OTOGL: variants seen among roughly 807,000 people sequenced by gnomAD.
OTOGL encodes otogelin-like protein.
In OTOGL, 285 loss-of-function variants were observed where a neutral mutation model predicts 318.5. That is an observed-to-expected ratio of 0.89 (90% CI 0.81 to 0.99). The LOEUF (loss-of-function observed/expected upper bound fraction) is 0.99, where lower values mean the gene tolerates loss of function less well. Ranked by LOEUF, OTOGL falls within the 50% of genes least tolerant of loss-of-function variation. The pLI is 0.00. For synonymous variants in OTOGL, 987 were observed against 936.5 expected (o/e 1.05, Z -0.99); for missense variants, 2,899 against 2,845.6 (o/e 1.02, Z -0.43).
chr12:80,214,717 T>C (rs1412339756), intron 4 of OTOGL, among the ~76,000 whole-genome samples: 3 of 152,112 alleles, frequency 2.0e-5, no homozygotes, highest in Non-Finnish European at 2.9e-5. Flanking sequence ...TAAACAAGAA[T>C]AGCAGTGCCT....
chr12:80,244,628 CAT>C (rs1880701882), intron 11 of OTOGL, among the ~76,000 whole-genome samples: 1 of 149,768 alleles, frequency 6.7e-6, no homozygotes, highest in Admixed American at 6.6e-5. Context: ...CTGCAATAAA[CAT>C]ATGTGTGCAT....
chr12:80,313,368 T>A, intron 30 of OTOGL, 108 bp from the exon 31 acceptor site: 1 of 1,060,264 alleles, frequency 9.4e-7, no homozygotes, highest in Non-Finnish European at 1.4e-6. Context: ...GGTGGCAGTG[T>A]TAAGCTGATA....
intron 1 of OTOGL, among the ~76,000 whole-genome samples, chr12:80,116,432 C>A (rs1159447097): frequency 6.6e-6 from 1 of 152,026 alleles, no homozygotes; most frequent in Non-Finnish European, 1.5e-5. Context: ...GTTGGAAATG[C>A]AGAAATCACC....
Position 80,253,688 on chromosome 12 carries a change from C to T in OTOGL, c.1394+114C>T, listed in dbSNP as rs1311288142. On this transcript the variant is annotated intron_variant, in intron 14 of 58. Transcript: ENST00000547103. ...TACTAATTTACTTCCCAAATTCCAA[C>T]ACAAAACTTGCATTTTATTTAAACT... 8 of 792,522 alleles carry T rather than the reference C, an allele frequency of 1.0e-5. No individual in the cohort carries two copies. The Admixed American group carries it at 2.2e-4, about 22-fold the overall frequency. 49.1% of individuals were successfully genotyped at this position (792,522 alleles called of 1,614,324 possible). A position where few individuals can be genotyped will look rare whatever the true frequency, so the allele number is the denominator to read the frequency against.
intron 37 of OTOGL, among the ~76,000 whole-genome samples, 152 bp from the exon 38 acceptor site, chr12:80,332,853 G>A (rs989133499): frequency 6.6e-6 from 1 of 152,088 alleles, no homozygotes; most frequent in Admixed American, 6.6e-5. Flanking sequence ...TCTGTAAAAT[G>A]TCGATACTAT....
intron 29 of OTOGL, among the ~76,000 whole-genome samples, chr12:80,309,567 A>T (rs939991247): frequency 6.6e-6 from 1 of 152,252 alleles, no homozygotes; most frequent in East Asian, 1.9e-4. Context: ...TCTGCAAGAT[A>T]CAAGGGCCAA....
chr12:80,163,097 A>T (rs181644738), intron 1 of OTOGL, among the ~76,000 whole-genome samples: 266 of 152,152 alleles, frequency 1.7e-3, no homozygotes, highest in African/African-American at 4.5e-3. Flanking sequence ...ATAACTTTTT[A>T]AAAAAAATTC....
chr12:80,351,747 T>A (rs1889565578), intron 44 of OTOGL, among the ~76,000 whole-genome samples: 1 of 152,194 alleles, frequency 6.6e-6, no homozygotes, highest in East Asian at 1.9e-4. Flanking sequence ...TATTGTCACA[T>A]GCTGCATTAT....
chr12:80,252,149 G>A lies in OTOGL; in HGVS notation c.1233G>A (p.Lys411=). The A allele has an allele frequency of 6.3e-7, 1 of 1,586,114 alleles. No homozygotes were observed. Among genetic ancestry groups the A allele is most frequent in the Non-Finnish European group, 8.6e-7 (1 of 1,164,312 alleles). Reference sequence around the variant, plus strand: ...GTCCACCAACCTGCACATTTGAGAAGCAATGTCTTGGGAGCAATCTCCATT... The same window carrying A: ...GTCCACCAACCTGCACATTTGAGAAACAATGTCTTGGGAGCAATCTCCATT... ...SCCPPTCTFE[K]QCLGSNLHCL... Residue 411 remains lysine (K), a synonymous_variant, in exon 13 of 59, where the codon AAG becomes AAA. Coordinates refer to ENST00000547103, the MANE Select transcript of OTOGL (RefSeq NM_001378609.3).
intron 1 of OTOGL, among the ~76,000 whole-genome samples, chr12:80,130,562 T>A (rs1161518683): frequency 6.6e-6 from 1 of 152,138 alleles, no homozygotes; most frequent in Admixed American, 6.5e-5. Flanking sequence ...GTCAGGGGAC[T>A]AGGGTGAGCA....
chr12:80,126,625 A>G (rs1870857810), intron 1 of OTOGL, among the ~76,000 whole-genome samples: 1 of 152,134 alleles, frequency 6.6e-6, no homozygotes, highest in Non-Finnish European at 1.5e-5. Flanking sequence ...GATCTGTCTA[A>G]TATTGACAGT....
At chr12:80,328,786 G>A (rs138359458) in intron 36 of OTOGL, 42 bp downstream of exon 36, 238 of 1,502,944 alleles carry the variant, frequency 1.6e-4, no homozygotes, top group Non-Finnish European at 2.1e-4. Flanking sequence ...AAAATTATAC[G>A]CTTGCATATG....
At chr12:80,376,707 A>T (rs1230657252) in intron 57 of OTOGL, among the ~76,000 whole-genome samples, 1 of 152,122 alleles carries the variant, frequency 6.6e-6, no homozygotes, top group East Asian at 1.9e-4. Context: ...TTTATTTTAA[A>T]ATTGATGTAT....
At chr12:80,219,958 G>A in intron 6 of OTOGL, 46 bp downstream of exon 6, 1 of 1,339,246 alleles carries the variant, frequency 7.5e-7, no homozygotes, top group Non-Finnish European at 1.0e-6. Context: ...ATACCAAGGA[G>A]AAAATTAAGG....
intron 24 of OTOGL, among the ~76,000 whole-genome samples, chr12:80,273,718 G>T (rs1196481527): frequency 6.6e-6 from 1 of 151,950 alleles, no homozygotes; most frequent in Non-Finnish European, 1.5e-5. Context: ...CACTTCACAG[G>T]TGTTGCATTT....
At chr12:80,143,439 C>T (rs1345782895) in intron 1 of OTOGL, among the ~76,000 whole-genome samples, 4 of 152,132 alleles carry the variant, frequency 2.6e-5, no homozygotes, top group African/African-American at 9.7e-5. Context: ...AAAGTGATCC[C>T]TGGTGATAGA....
chr12:80,106,638 T>C (rs149990745), intron 1 of OTOGL, among the ~76,000 whole-genome samples: 3 of 152,180 alleles, frequency 2.0e-5, no homozygotes, highest in Admixed American at 2.0e-4. Flanking sequence ...TGTGTGCACA[T>C]GCACACAATC....
At chr12:80,271,522 G>T in intron 23 of OTOGL, 126 bp from the exon 24 acceptor site, 4 of 845,282 alleles carry the variant, frequency 4.7e-6, no homozygotes, top group Non-Finnish European at 5.3e-6. Flanking sequence ...CTGTCTTATG[G>T]AAGGCAGCTA....
Position 80,228,769 on chromosome 12 carries a change from C to G in OTOGL, c.490-488C>G, listed in dbSNP as rs564922168. Among the ~76,000 whole-genome samples the G allele has an allele frequency of 1.6e-3, 241 of 151,836 alleles. 4 individuals carry two copies. In the South Asian group the frequency reaches 0.049, roughly 31 times the overall value. ...CTATTAATTTTTTGAAAAATAATCT[C>G]TCTCTTCCCTAATGTGTCTGGCAAT... On this transcript the variant is annotated intron_variant, in intron 7 of 58. Coordinates refer to ENST00000547103, the MANE Select transcript of OTOGL (RefSeq NM_001378609.3).
Sources: gnomAD v4.1 joint callset for allele counts (sites outside exome capture counted in the v4.1 genomes callset) on GRCh38, gnomAD v4.1.1 for gene constraint, MANE v1.5 for transcripts, NCBI Gene and HGNC (gene_info 2026-07-23, HGNC 2026-07-21) for gene names.